The following FAM107B variants were observed in gnomAD, a reference collection of about 807,000 sequenced individuals.
FAM107B encodes family with sequence similarity 107 member B, also known as protein FAM107B.
A neutral mutation model predicts 31.5 loss-of-function variants in FAM107B; 21 were observed. That is an observed-to-expected ratio of 0.67 (90% confidence interval 0.47 to 0.96). The LOEUF (loss-of-function observed/expected upper bound fraction) is 0.96, where lower values mean the gene tolerates loss of function less well. Ranked by LOEUF, FAM107B falls within the 40% of genes least tolerant of loss-of-function variation. FAM107B has a pLI of 0.00. For synonymous variants in FAM107B, 157 were observed against 141.5 expected (o/e 1.11, Z -0.78); for missense variants, 452 against 377.1 (o/e 1.20, Z -1.64).
intron 2 of FAM107B, among the ~76,000 whole-genome samples, chr10:14,630,692 A>G (rs543890813): frequency 3.3e-5 from 5 of 151,430 alleles, no homozygotes; most frequent in African/African-American, 7.3e-5. Context: ...AATAAAAAAT[A>G]CCCCCAAAAT....
chr10:14,554,780 C>G (rs1588569766), intron 2 of FAM107B, among the ~76,000 whole-genome samples: 2 of 152,308 alleles, frequency 1.3e-5, no homozygotes, highest in Middle Eastern at 6.8e-3. Context: ...ATGCTATCCC[C>G]TCCAATCCTC....
At chr10:14,665,692 A>G (rs1172978087) in intron 2 of FAM107B, among the ~76,000 whole-genome samples, 1 of 152,176 alleles carries the variant, frequency 6.6e-6, no homozygotes. Context: ...CACTGCCCCT[A>G]CTATGCCCCT....
chr10:14,635,408 G>T (rs1164326661), intron 2 of FAM107B, among the ~76,000 whole-genome samples: 1 of 152,152 alleles, frequency 6.6e-6, no homozygotes, highest in Non-Finnish European at 1.5e-5. Context: ...TTTAGCTATT[G>T]TTCACTACTT....
At chr10:14,675,387 A>C (rs1854658405) in intron 1 of FAM107B, among the ~76,000 whole-genome samples, 1 of 152,042 alleles carries the variant, frequency 6.6e-6, no homozygotes, top group Non-Finnish European at 1.5e-5. Context: ...TTTCCGAGGA[A>C]ATGGATCTGT....
intron 2 of FAM107B, among the ~76,000 whole-genome samples, chr10:14,644,430 G>A (rs187401544): frequency 2.0e-5 from 3 of 152,340 alleles, no homozygotes; most frequent in African/African-American, 7.2e-5. Context: ...CACGGCTCAT[G>A]TTGTTCTTTC....
At chr10:14,692,405 G>A (rs1855160085) in intron 1 of FAM107B, among the ~76,000 whole-genome samples, 1 of 152,094 alleles carries the variant, frequency 6.6e-6, no homozygotes, top group South Asian at 2.1e-4. Flanking sequence ...GCTGAGGGTG[G>A]GGTGACTTCA....
intron 1 of FAM107B, among the ~76,000 whole-genome samples, chr10:14,709,311 A>G (rs1286742496): frequency 2.6e-5 from 4 of 152,250 alleles, no homozygotes; most frequent in African/African-American, 9.6e-5. Context: ...CAATAAAGAC[A>G]TACTCGAGAC....
intron 2 of FAM107B, among the ~76,000 whole-genome samples, chr10:14,645,037 G>C (rs1564612480): frequency 6.6e-6 from 1 of 152,194 alleles, no homozygotes; most frequent in Non-Finnish European, 1.5e-5. Context: ...TCCATTTCCA[G>C]GATTCTAAAA....
chr10:14,586,288 C>A lies in FAM107B; in HGVS notation c.470-55773G>T, dbSNP rs565711020. Among the ~76,000 whole-genome samples the A allele has an allele frequency of 1.1e-4, 17 of 152,236 alleles. No homozygotes were observed. In the South Asian group the frequency reaches 1.5e-3, roughly 13 times the overall value. On this transcript the variant is annotated intron_variant, in intron 2 of 4. Transcript: ENST00000181796. ...CACTGCTTTGCTTTTAAGAATCCTA[C>A]CTGTAGCAAAGAACGTCTCTGTGGT...
chr10:14,671,872 TAAAA>T (rs1294969542), intron 1 of FAM107B, among the ~76,000 whole-genome samples: 3 of 33,538 alleles, frequency 8.9e-5, no homozygotes, highest in Non-Finnish European at 9.7e-5. Context: ...CCCTTTTATT[TAAAA>T]AAAAAAAACA....
chr10:14,649,793 C>T (rs1304888585), intron 2 of FAM107B, among the ~76,000 whole-genome samples: 1 of 152,220 alleles, frequency 6.6e-6, no homozygotes, highest in African/African-American at 2.4e-5. Flanking sequence ...GTGTCACAGG[C>T]CATGGTCACT....
chr10:14,632,559 C>A (rs562848662), intron 2 of FAM107B, among the ~76,000 whole-genome samples: 1 of 142,848 alleles, frequency 7.0e-6, no homozygotes, highest in Non-Finnish European at 1.5e-5. Context: ...TGCAGTGAGC[C>A]GAGATTGCGC....
chr10:14,757,528 G>A (rs1306111312), intron 1 of FAM107B, among the ~76,000 whole-genome samples: 2 of 152,130 alleles, frequency 1.3e-5, no homozygotes, highest in Non-Finnish European at 2.9e-5. Context: ...ACTATTCAGT[G>A]AGCCAGACGG....
chr10:14,748,665 C>A (rs1048169499), intron 1 of FAM107B, among the ~76,000 whole-genome samples: 13 of 152,236 alleles, frequency 8.5e-5, no homozygotes, highest in Non-Finnish European at 1.9e-4. Context: ...AGGCTGCAGC[C>A]TCTGAGGTCA....
intron 1 of FAM107B, among the ~76,000 whole-genome samples, chr10:14,717,255 C>T (rs1167298866): frequency 1.3e-5 from 2 of 152,130 alleles, no homozygotes; most frequent in East Asian, 3.9e-4. Context: ...AAAGCCCAGC[C>T]AAAGCCCCTC....
At chr10:14,610,359 A>G (rs1431063131) in intron 2 of FAM107B, among the ~76,000 whole-genome samples, 2 of 152,182 alleles carry the variant, frequency 1.3e-5, no homozygotes, top group African/African-American at 4.8e-5. Flanking sequence ...AAAATAAAAA[A>G]GAATATGGCA....
At chr10:14,685,647 G>T (rs776839713) in intron 1 of FAM107B, among the ~76,000 whole-genome samples, 5 of 152,116 alleles carry the variant, frequency 3.3e-5, no homozygotes, top group African/African-American at 1.2e-4. Flanking sequence ...CAGAAAGTAG[G>T]GAAGGAGGAG....
rs529118795 is a variant in FAM107B, at chr10:14,548,929, G to A, written c.470-18414C>T. Among the ~76,000 whole-genome samples the A allele has an allele frequency of 7.2e-5, 11 of 152,212 alleles. No individual in the cohort carries two copies. The South Asian group carries it at 2.1e-3, about 29-fold the overall frequency. Reference sequence around the variant, plus strand: ...GACAGTATTTGGAGGTGGGACCTTTGAAAGGTAATTAGGTTTAGATGAGGT... The same window carrying A: ...GACAGTATTTGGAGGTGGGACCTTTAAAAGGTAATTAGGTTTAGATGAGGT... On this transcript the variant is annotated intron_variant, in intron 2 of 4. Coordinates refer to ENST00000181796, the MANE Select transcript of FAM107B (RefSeq NM_031453.4).
chr10:14,758,592 C>T (rs1329028955), intron 1 of FAM107B, among the ~76,000 whole-genome samples: 1 of 152,176 alleles, frequency 6.6e-6, no homozygotes, highest in Admixed American at 6.5e-5. Context: ...GCCTGACAGC[C>T]TCTGCACTGG....
Sources: allele counts gnomAD v4.1 joint callset (sites outside exome capture counted in the v4.1 genomes callset), GRCh38; gene constraint gnomAD v4.1.1; transcripts MANE v1.5; gene names NCBI Gene and HGNC (gene_info 2026-07-23, HGNC 2026-07-21).